Variants in STRN3 observed in about 807,000 individuals in gnomAD.
The protein encoded by STRN3 is striatin-3.
Under a neutral mutation model 95.6 loss-of-function variants are expected in STRN3, and 29 were observed. The ratio of observed to expected loss-of-function variants is 0.30; its 90% CI spans 0.23 to 0.41. The LOEUF (loss-of-function observed/expected upper bound fraction) is 0.41, where lower values mean the gene tolerates loss of function less well. Among genes scored for constraint, STRN3 ranks in the 10% least tolerant of loss-of-function variants. STRN3 has a pLI of 1.00. For missense variants in STRN3, 890 were observed against 972.1 expected (o/e 0.92, Z 1.12); for synonymous variants, 331 against 357.6 (o/e 0.93, Z 0.84).
chr14:30,985,004 C>T (rs539250884), intron 1 of STRN3, among the ~76,000 whole-genome samples: 1 of 151,956 alleles, frequency 6.6e-6, no homozygotes, highest in Non-Finnish European at 1.5e-5. Context: ...TTGCGGAATA[C>T]TTTTTTTTAA....
At chr14:30,978,380 A>G (rs1013298087) in intron 1 of STRN3, among the ~76,000 whole-genome samples, 2 of 152,220 alleles carry the variant, frequency 1.3e-5, no homozygotes, top group African/African-American at 4.8e-5. Flanking sequence ...TGAAGAAGAA[A>G]TATCAATAGA....
chr14:30,990,830 G>T (rs1881918442), intron 1 of STRN3, among the ~76,000 whole-genome samples: 1 of 152,096 alleles, frequency 6.6e-6, no homozygotes, highest in Non-Finnish European at 1.5e-5. Context: ...CATGTAAATA[G>T]TTGTTATATT....
At chr14:30,979,554 T>C (rs770925060) in intron 1 of STRN3, among the ~76,000 whole-genome samples, 9 of 152,172 alleles carry the variant, frequency 5.9e-5, no homozygotes, top group Non-Finnish European at 1.0e-4. Context: ...TTTTCTTCCT[T>C]TGAATACAGG....
intron 1 of STRN3, among the ~76,000 whole-genome samples, chr14:30,962,229 A>C (rs1292757310): frequency 6.6e-6 from 1 of 152,238 alleles, no homozygotes; most frequent in Non-Finnish European, 1.5e-5. Context: ...AATAGAATAA[A>C]GATAAAAAGA....
intron 15 of STRN3, among the ~76,000 whole-genome samples, chr14:30,904,650 T>C (rs566819506): frequency 6.6e-6 from 1 of 152,160 alleles, no homozygotes; most frequent in South Asian, 2.1e-4. Flanking sequence ...TAGAAAATCT[T>C]TCAATAGAAA....
chr14:30,922,449 A>C lies in STRN3; in HGVS notation c.1100-3343T>G, dbSNP rs529773478. Among the ~76,000 whole-genome samples, 17 of 152,312 alleles carry C rather than the reference A, an allele frequency of 1.1e-4. 1 individual carries two copies. In the South Asian group the frequency reaches 2.7e-3, roughly 24 times the overall value. On this transcript the variant is annotated intron_variant, in intron 8 of 17. Transcript: ENST00000357479. Reference sequence around the variant, plus strand: ...AAAACATACTAATTATGCCACGTGTAAGCCAAACTATAGACTACTGTTACA... The same window carrying C: ...AAAACATACTAATTATGCCACGTGTCAGCCAAACTATAGACTACTGTTACA...
intron 1 of STRN3, among the ~76,000 whole-genome samples, chr14:31,012,187 C>A (rs1339241722): frequency 6.6e-6 from 1 of 152,206 alleles, no homozygotes; most frequent in East Asian, 1.9e-4. Context: ...TACCCTTATC[C>A]ATTGTTACTC....
Position 31,026,269 on chromosome 14 carries a change from C to A in STRN3, c.-84G>T. 1 of 1,306,466 alleles carries A rather than the reference C, an allele frequency of 7.7e-7. No individual in the cohort carries two copies. The allele number at this position is 1,306,466 out of a possible 1,614,324, so 80.9% of individuals were successfully genotyped here. ...GGAGAGGGTGGCCCCGCGCTGGCTG[C>A]GGGGCGGAGGCCGGCCGGGAGAGGG... is the stretch of plus-strand genomic sequence containing the variant. On this transcript the variant is annotated 5_prime_UTR_variant, in exon 1 of 18. Transcript: ENST00000357479.
In STRN3 at chr14:30,947,600, T is replaced by TAC. The variant is rs746949924; in HGVS notation, c.543-339_543-338dup. Among the ~76,000 whole-genome samples the TAC allele has an allele frequency of 2.7e-3, 413 of 151,698 alleles. 1 individual carries two copies. The highest frequency in any genetic ancestry group is 4.3e-3 in the Admixed American group (65 of 15,222). On this transcript the variant is annotated intron_variant, in intron 4 of 17. Transcript: ENST00000357479. ...ACACAACCACACATTGTTTTTAATT[T>TAC]ACACACACACACACAAACACAACAC...
chr14:30,974,763 G>A (rs950801047), intron 1 of STRN3, among the ~76,000 whole-genome samples: 7 of 152,000 alleles, frequency 4.6e-5, no homozygotes, highest in African/African-American at 1.7e-4. Flanking sequence ...CTGACATTGC[G>A]CCACTACACT....
chr14:30,903,124 A>G (rs1192616096), intron 15 of STRN3, among the ~76,000 whole-genome samples: 3 of 152,136 alleles, frequency 2.0e-5, no homozygotes, highest in Non-Finnish European at 4.4e-5. Flanking sequence ...AGCTCTTACT[A>G]ACTTTTTATT....
At chr14:30,925,104 C>G (rs1351338772) in intron 8 of STRN3, among the ~76,000 whole-genome samples, 1 of 151,960 alleles carries the variant, frequency 6.6e-6, no homozygotes, top group Admixed American at 6.6e-5. Flanking sequence ...TCTTAGAGTA[C>G]TAATAAGATA....
chr14:30,982,118 A>AG (rs1881439975), intron 1 of STRN3, among the ~76,000 whole-genome samples: 2 of 150,418 alleles, frequency 1.3e-5, no homozygotes, highest in East Asian at 3.9e-4. Context: ...AAAAAAAAAA[A>AG]GAATTCCAAG....
At chr14:30,993,082 T>C (rs867711370) in intron 1 of STRN3, among the ~76,000 whole-genome samples, 4 of 152,082 alleles carry the variant, frequency 2.6e-5, no homozygotes, top group Non-Finnish European at 4.4e-5. Context: ...CTGGGCAACA[T>C]AGTGGGACCC....
At chr14:31,020,378 A>T (rs184593890) in intron 1 of STRN3, among the ~76,000 whole-genome samples, 1 of 152,158 alleles carries the variant, frequency 6.6e-6, no homozygotes, top group East Asian at 1.9e-4. Context: ...GGGTGCTTGT[A>T]ATTCCAGCTA....
rs949859662 is a variant in STRN3 at position 30,955,679 on chromosome 14, T to C, written c.401A>G (p.Lys134Arg). ...GTTCAGTTCCGTGCCATATTTTAAT[T>C]TGTGATATTTTGCCCTGAAAATTTA... ...ALKQERAKYH[K>R]LKYGTELNQG... The change falls in exon 3 of 18, where the codon AAA (lysine) becomes AGA (arginine). Residue 134 changes from lysine (K) to arginine (R), a missense_variant. Coordinates refer to ENST00000357479, the MANE Select transcript of STRN3 (RefSeq NM_001083893.2). 1.8e-5 allele frequency: 28 copies of C among 1,582,550 alleles called. 1 individual carries two copies. The East Asian group carries it at 4.6e-4, about 26-fold the overall frequency.
intron 14 of STRN3, among the ~76,000 whole-genome samples, chr14:30,906,465 T>C (rs1343553449): frequency 6.6e-6 from 1 of 152,026 alleles, no homozygotes; most frequent in Non-Finnish European, 1.5e-5. Flanking sequence ...CAGTTAGGGG[T>C]TCAGTGACTA....
chr14:30,903,026 A>AC (rs1262447712), intron 15 of STRN3, among the ~76,000 whole-genome samples: 1 of 152,014 alleles, frequency 6.6e-6, no homozygotes, highest in Non-Finnish European at 1.5e-5. Context: ...GTAAGGAACA[A>AC]CCCCCATCTA....
intron 1 of STRN3, among the ~76,000 whole-genome samples, chr14:30,965,376 C>T (rs569581757): frequency 2.6e-5 from 4 of 152,158 alleles, no homozygotes; most frequent in African/African-American, 9.6e-5. Context: ...CTTCTGCCTG[C>T]CTAGTAGACT....
Sources: gnomAD v4.1 joint callset for allele counts (sites outside exome capture counted in the v4.1 genomes callset) on GRCh38, gnomAD v4.1.1 for gene constraint, MANE v1.5 for transcripts, NCBI Gene and HGNC (gene_info 2026-07-23, HGNC 2026-07-21) for gene names.